CLINT1: variants seen among roughly 807,000 people sequenced by gnomAD.
The protein encoded by CLINT1 is clathrin interacting protein localized in the trans-Golgi region.
A neutral mutation model predicts 70.4 loss-of-function variants in CLINT1; 15 were observed. The ratio of observed to expected loss-of-function variants is 0.21; its 90% CI spans 0.14 to 0.33. CLINT1 has a LOEUF of 0.33. CLINT1 is among the 10% of genes least tolerant of loss of function. The pLI, the probability that CLINT1 is intolerant of heterozygous loss-of-function variation, is 1.00. For missense variants in CLINT1, 615 were observed against 778.1 expected (o/e 0.79, Z 2.49); for synonymous variants, 227 against 254.7 (o/e 0.89, Z 1.04).
rs1167266941 is a variant in CLINT1 at position 157,814,292 on chromosome 5, G to A, written c.245C>T (p.Ser82Leu). 1 of 1,598,770 alleles carries A rather than the reference G, an allele frequency of 6.3e-7. No homozygotes were observed. The highest frequency in any genetic ancestry group is 2.2e-5 in the East Asian group (1 of 44,796). The change falls in exon 4 of 12, where the codon TCG becomes TTG. Residue 82 changes from serine to leucine, a missense_variant and splice_region_variant. This residue lies in a region of CLINT1 where 241 missense variants were observed against 368.6 expected (regional missense o/e 0.65). Coordinates refer to ENST00000411809, the MANE Select transcript of CLINT1 (RefSeq NM_014666.4). ...TATGAGGTAAGCTAGGAGCAGCAAC[G>A]ACTGCAAAAATACAAAGCAATAAAT... is the stretch of plus-strand genomic sequence containing the variant. ...NKKNWRRVYK[S>L]LLLLAYLIRN...
intron 1 of CLINT1, among the ~76,000 whole-genome samples, chr5:157,846,164 G>C (rs536711222): frequency 6.6e-6 from 1 of 152,174 alleles, no homozygotes; most frequent in Non-Finnish European, 1.5e-5. Context: ...TCAATCAAAA[G>C]CTAGAAATGA....
At chr5:157,849,225 T>C (rs1013283121) in intron 1 of CLINT1, among the ~76,000 whole-genome samples, 1 of 152,188 alleles carries the variant, frequency 6.6e-6, no homozygotes, top group African/African-American at 2.4e-5. Context: ...TTTTAAGAAA[T>C]TGCCACAGCC....
At chr5:157,837,888 AGCCTTG>A (rs1763482451) in intron 1 of CLINT1, among the ~76,000 whole-genome samples, 2 of 151,944 alleles carry the variant, frequency 1.3e-5, no homozygotes, top group Admixed American at 1.3e-4. Flanking sequence ...GTGATCCACC[AGCCTTG>A]GCCTCCCAAA....
intron 1 of CLINT1, among the ~76,000 whole-genome samples, chr5:157,841,429 G>A (rs1753176176): frequency 6.6e-6 from 1 of 151,904 alleles, no homozygotes; most frequent in African/African-American, 2.4e-5. Flanking sequence ...AGCTGGGCAT[G>A]GCAGTGCACA....
intron 1 of CLINT1, among the ~76,000 whole-genome samples, chr5:157,821,386 G>GA (rs3836888): frequency 0.56 from 84,508 of 151,852 alleles, 23,947 homozygotes; most frequent in East Asian, 0.79. Context: ...ACAGACATGA[G>GA]ATGTAATAAT....
chr5:157,819,549 A>G (rs1762820181), intron 1 of CLINT1, among the ~76,000 whole-genome samples: 1 of 152,236 alleles, frequency 6.6e-6, no homozygotes, highest in Admixed American at 6.5e-5. Flanking sequence ...TGGAACCAAA[A>G]TAAAACTAAG....
At chr5:157,795,060 T>A in intron 8 of CLINT1, 88 bp from the exon 9 acceptor site, 1 of 1,023,588 alleles carries the variant, frequency 9.8e-7, no homozygotes, top group Non-Finnish European at 1.5e-6. Flanking sequence ...ACACAAAAAG[T>A]ACCTAATATT....
intron 1 of CLINT1, among the ~76,000 whole-genome samples, chr5:157,830,424 A>G (rs1763184944): frequency 6.6e-6 from 1 of 151,972 alleles, no homozygotes. Context: ...TTTGCCTTAA[A>G]TCTCATTTTT....
At chr5:157,830,792 CTCTCTATATA>C (rs1434406772) in intron 1 of CLINT1, among the ~76,000 whole-genome samples, 3 of 116,486 alleles carry the variant, frequency 2.6e-5, no homozygotes, top group South Asian at 3.0e-4. Flanking sequence ...CTCTCTCTCT[CTCTCTATATA>C]TATATATATA....
chr5:157,848,605 G>A (rs905852591), intron 1 of CLINT1, among the ~76,000 whole-genome samples: 5 of 151,090 alleles, frequency 3.3e-5, no homozygotes, highest in Non-Finnish European at 7.4e-5. Context: ...CCGGGTTCAA[G>A]TGATTCTCGT....
At chr5:157,813,351 G>A in intron 4 of CLINT1, 124 bp from the exon 5 acceptor site, 5 of 884,586 alleles carry the variant, frequency 5.7e-6, no homozygotes, top group Middle Eastern at 5.7e-4. Flanking sequence ...AAAAACAATA[G>A]AAAGGGGCAA....
intron 1 of CLINT1, among the ~76,000 whole-genome samples, chr5:157,822,573 T>C (rs1436678650): frequency 1.3e-5 from 2 of 152,224 alleles, no homozygotes; most frequent in Middle Eastern, 3.2e-3. Flanking sequence ...ACACAGCCAG[T>C]ATTCAGTTAG....
chr5:157,830,313 G>A (rs936070179), intron 1 of CLINT1, among the ~76,000 whole-genome samples: 15 of 151,940 alleles, frequency 9.9e-5, no homozygotes, highest in South Asian at 2.1e-4. Context: ...TCTTGTTTTT[G>A]GTATCTGTTA....
intron 1 of CLINT1, among the ~76,000 whole-genome samples, chr5:157,821,621 T>TAA: frequency 6.6e-6 from 1 of 152,322 alleles, no homozygotes; most frequent in South Asian, 2.1e-4. Context: ...TCTCTTTGCT[T>TAA]AAAACAAGAG....
intron 1 of CLINT1, among the ~76,000 whole-genome samples, chr5:157,848,950 T>C (rs540217870): frequency 1.3e-5 from 2 of 152,150 alleles, no homozygotes; most frequent in Admixed American, 6.5e-5. Flanking sequence ...GTGTAAGCTA[T>C]TGTGCCTGGC....
chr5:157,846,034 C>T (rs1286394450), intron 1 of CLINT1, among the ~76,000 whole-genome samples: 4 of 152,262 alleles, frequency 2.6e-5, no homozygotes, highest in Non-Finnish European at 2.9e-5. Context: ...ATTCCTGCCG[C>T]TCTCCCTCTC....
At chr5:157,837,648 A>C (rs375465692) in intron 1 of CLINT1, among the ~76,000 whole-genome samples, 2 of 70,194 alleles carry the variant, frequency 2.8e-5, no homozygotes, top group Non-Finnish European at 3.0e-5. Flanking sequence ...AAGCTCTTTT[A>C]CTTTTTTTTT....
chr5:157,808,500 A>G (rs1201583897), intron 6 of CLINT1, among the ~76,000 whole-genome samples: 32 of 152,192 alleles, frequency 2.1e-4, no homozygotes, highest in Admixed American at 2.1e-3. Flanking sequence ...CAACAAAGAC[A>G]AAATTCTTAT....
intron 1 of CLINT1, among the ~76,000 whole-genome samples, chr5:157,828,475 G>A (rs254677): frequency 0.56 from 84,288 of 151,772 alleles, 23,845 homozygotes; most frequent in East Asian, 0.79. Context: ...GTATATGAAC[G>A]CTAACAACTA....
Sources: allele counts gnomAD v4.1 joint callset (sites outside exome capture counted in the v4.1 genomes callset), GRCh38; gene constraint gnomAD v4.1.1; regional missense constraint gnomAD v4.1.1; transcripts MANE v1.5; gene names NCBI Gene and HGNC (gene_info 2026-07-23, HGNC 2026-07-21).